The following CFI variants were observed in gnomAD, a reference collection of about 807,000 sequenced individuals.
The protein encoded by CFI is C3B/C4B inactivator.
In CFI, 66 loss-of-function variants were observed where a neutral mutation model predicts 78.8. The observed-to-expected ratio is 0.84, with a 90% CI of 0.69 to 1.03. The LOEUF (loss-of-function observed/expected upper bound fraction) is 1.03. Ranked by LOEUF, CFI falls within the 50% of genes least tolerant of loss-of-function variation. The pLI, the probability that CFI is intolerant of heterozygous loss-of-function variation, is 0.00. For missense variants in CFI, 706 were observed against 704.5 expected (o/e 1.00, Z -0.02); for synonymous variants, 250 against 232.6 (o/e 1.07, Z -0.68).
chr4:109,734,287 C>T, the CFI span, among the ~76,000 whole-genome samples: 57 of 152,188 alleles, frequency 3.7e-4, no homozygotes, highest in African/African-American at 1.2e-3. Flanking sequence ...AGAACAAAGG[C>T]GCTTAAGAAG....
At chr4:109,765,506 T>C (rs897030667) in intron 2 of CFI, among the ~76,000 whole-genome samples, 1 of 152,194 alleles carries the variant, frequency 6.6e-6, no homozygotes, top group Non-Finnish European at 1.5e-5. Flanking sequence ...CTTCACATTT[T>C]ACAGATGAGG....
intron 10 of CFI, among the ~76,000 whole-genome samples, 180 bp from the exon 11 acceptor site, chr4:109,746,682 G>T (rs1252912682): frequency 6.6e-6 from 1 of 152,174 alleles, no homozygotes; most frequent in East Asian, 1.9e-4. Flanking sequence ...TAGGTCAATG[G>T]TAAATGATAA....
chr4:109,779,607 T>C (rs1729727029), intron 1 of CFI, among the ~76,000 whole-genome samples: 1 of 152,154 alleles, frequency 6.6e-6, no homozygotes, highest in Admixed American at 6.6e-5. Flanking sequence ...TACCAATGAC[T>C]TTCTTCACAG....
chr4:109,786,189 C>G (rs1395618906), intron 1 of CFI, among the ~76,000 whole-genome samples: 2 of 151,892 alleles, frequency 1.3e-5, no homozygotes, highest in East Asian at 3.9e-4. Flanking sequence ...TGCCACCATG[C>G]CCGGCTAATT....
intron 6 of CFI, 43 bp downstream of exon 6, chr4:109,760,227 G>A (rs776105173): frequency 1.5e-6 from 2 of 1,365,234 alleles, no homozygotes; most frequent in Non-Finnish European, 2.1e-6. Flanking sequence ...CAGAATCCCT[G>A]GATTCAATAA....
chr4:109,795,761 C>T (rs1731978933), intron 1 of CFI, among the ~76,000 whole-genome samples: 1 of 152,028 alleles, frequency 6.6e-6, no homozygotes, highest in Non-Finnish European at 1.5e-5. Context: ...CTTAGTCAAA[C>T]AGAAGAGAGA....
In CFI at chr4:109,764,688, T is replaced by C. The variant is rs1351569179; in HGVS notation, c.331A>G (p.Lys111Glu). 2 of 1,613,260 alleles carry C rather than the reference T, an allele frequency of 1.2e-6. No individual in the cohort carries two copies. Among genetic ancestry groups the C allele is most frequent in the Non-Finnish European group, 1.7e-6 (2 of 1,179,842 alleles). Reference protein sequence around the residue: ...LNNGTCTAEGKFSVSLKHGNT... With the variant: ...LNNGTCTAEGEFSVSLKHGNT... ...CCATGCTTCAAGGAAACACTAAACT[T>C]TCCTAAAATAAAAAAACAAAATAAT... The change falls in exon 3 of 13, where the codon AAG (lysine) becomes GAG (glutamate). Residue 111 changes from lysine (K) to glutamate (E), a missense_variant and splice_region_variant. Lys to Glu is a moderately conservative substitution (Grantham distance 56). Transcript: ENST00000394634.
intron 8 of CFI, among the ~76,000 whole-genome samples, chr4:109,752,105 CTAT>C (rs1224080406): frequency 3.9e-5 from 6 of 152,108 alleles, no homozygotes; most frequent in African/African-American, 1.4e-4. Flanking sequence ...CAATTAACAT[CTAT>C]TATTTTTTCT....
chr4:109,779,450 AG>A (rs1467882953), intron 1 of CFI, among the ~76,000 whole-genome samples: 2 of 152,206 alleles, frequency 1.3e-5, no homozygotes, highest in Non-Finnish European at 2.9e-5. Flanking sequence ...CTCTTCAAGG[AG>A]AACTACAAAC....
intron 1 of CFI, among the ~76,000 whole-genome samples, chr4:109,775,443 G>A (rs746283916): frequency 6.6e-6 from 1 of 152,244 alleles, no homozygotes; most frequent in African/African-American, 2.4e-5. Flanking sequence ...TGGCAGCAAG[G>A]CTGGGGGAGG....
Position 109,749,484 on chromosome 4 carries a change from T to C in CFI, c.1044+15A>G. 6.2e-7 allele frequency: 1 copy of C among 1,603,262 alleles called. No individual in the cohort carries two copies. The highest frequency in any genetic ancestry group is 1.1e-5 in the South Asian group (1 of 90,874). On this transcript the variant is annotated intron_variant, in intron 9 of 12. Coordinates refer to ENST00000394634, the MANE Select transcript of CFI (RefSeq NM_000204.5). ...TTTCTGGGCAGTTGCATTGTGACTT[T>C]TCATGCGACTTTACCAGTTGTGCTC...
chr4:109,778,149 A>C (rs1295658651), intron 1 of CFI, among the ~76,000 whole-genome samples: 2 of 152,212 alleles, frequency 1.3e-5, no homozygotes, highest in Admixed American at 6.5e-5. Flanking sequence ...GAACTGAAGG[A>C]GATACGGACA....
chr4:109,761,808 A>G lies in CFI; in HGVS notation c.483-116T>C. ...TCCTCTCATTCTCTATATAGGAGTT[A>G]CAGCTTGGGCAAGATACCGAAACTC... On this transcript the variant is annotated intron_variant, in intron 3 of 12. Coordinates refer to ENST00000394634, the MANE Select transcript of CFI (RefSeq NM_000204.5). 4.7e-6 allele frequency: 4 copies of G among 852,490 alleles called. No homozygotes were observed. In the Admixed American group the frequency reaches 7.9e-5, roughly 17 times the overall value. The allele number at this position is 852,490 out of a possible 1,614,324, so 52.8% of individuals were successfully genotyped here. A position where few individuals can be genotyped will look rare whatever the true frequency, so the allele number is the denominator to read the frequency against.
downstream of CFI, among the ~76,000 whole-genome samples, chr4:109,739,346 G>A (rs1009373255): frequency 6.6e-5 from 10 of 152,096 alleles, no homozygotes; most frequent in Non-Finnish European, 1.5e-4. Context: ...TGGTAGGGAT[G>A]TAGCCAGAAG....
chr4:109,746,601 T>G, intron 10 of CFI, 99 bp from the exon 11 acceptor site: 1 of 1,026,594 alleles, frequency 9.7e-7, no homozygotes, highest in Non-Finnish European at 1.4e-6. Flanking sequence ...AAAAACCTTT[T>G]TCATTTCCCC....
intron 1 of CFI, chr4:109,793,470 C>G (rs966127065): frequency 6.6e-6 from 1 of 152,224 alleles, no homozygotes; most frequent in East Asian, 1.9e-4. Flanking sequence ...CAAGTAACTG[C>G]CAAATGTCCT....
At chr4:109,745,044 T>C (rs554260298) in intron 11 of CFI, among the ~76,000 whole-genome samples, 55 of 152,342 alleles carry the variant, frequency 3.6e-4, no homozygotes, top group Admixed American at 5.2e-4. Context: ...CCTTCCAATG[T>C]GGCAATTATA....
At chr4:109,738,453 G>A (rs142875745), downstream of CFI, among the ~76,000 whole-genome samples, 119 of 152,216 alleles carry the variant, frequency 7.8e-4, no homozygotes, top group Middle Eastern at 3.4e-3. Flanking sequence ...ATTCTAAGGT[G>A]CTGCGTTGCT....
chr4:109,733,170 A>G, the CFI span, among the ~76,000 whole-genome samples: 200 of 152,136 alleles, frequency 1.3e-3, no homozygotes, highest in Non-Finnish European at 1.6e-3. Context: ...ATGGGGTTTC[A>G]CCAAGTTGGC....
Sources: gnomAD v4.1 joint callset for allele counts (sites outside exome capture counted in the v4.1 genomes callset) on GRCh38, gnomAD v4.1.1 for gene constraint, MANE v1.5 for transcripts, NCBI Gene and HGNC (gene_info 2026-07-23, HGNC 2026-07-21) for gene names.